The following ERN1 variants were observed in gnomAD, a reference collection of about 807,000 sequenced individuals.
ERN1 encodes the protein endoplasmic reticulum to nucleus signaling 1, also known as serine/threonine-protein kinase/endoribonuclease IRE1.
ERN1 carries 39 observed loss-of-function variants against 113.1 expected under a neutral mutation model. The ratio of observed to expected loss-of-function variants is 0.34; its 90% CI spans 0.27 to 0.45. ERN1 has a LOEUF of 0.45. Ranked by LOEUF, ERN1 falls within the 20% of genes least tolerant of loss-of-function variation. The pLI is 1.00. For missense variants in ERN1, 976 were observed against 1,274.8 expected (o/e 0.77, Z 3.57); for synonymous variants, 507 against 515.9 (o/e 0.98, Z 0.23).
rs1912318125 is a variant in ERN1 at position 64,040,949 on chromosome 17, TCCTG to T, written c.*3035_*3038del. Reference sequence around the variant, plus strand: ...TCACGAGGTTAGGAGATCGAGACCATCCTGCCTAACATGGGGAAACCCCGTCTCT... The same window carrying T: ...TCACGAGGTTAGGAGATCGAGACCATCCTAACATGGGGAAACCCCGTCTCT... On this transcript the variant is annotated 3_prime_UTR_variant, in exon 22 of 22. Transcript: ENST00000433197. The T allele has an allele frequency of 6.6e-6, 1 of 152,014 alleles. No homozygotes were observed. The highest frequency in any genetic ancestry group is 1.5e-5 in the Non-Finnish European group (1 of 68,030). 9.4% of individuals were successfully genotyped at this position (152,014 alleles called of 1,614,324 possible).
chr17:64,047,569 T>G (rs995067119), intron 19 of ERN1, among the ~76,000 whole-genome samples: 14 of 152,186 alleles, frequency 9.2e-5, no homozygotes, highest in African/African-American at 3.4e-4. Flanking sequence ...GCTTAACCAT[T>G]ATGGCACATC....
At chr17:64,072,259 A>G (rs1913445150) in intron 5 of ERN1, among the ~76,000 whole-genome samples, 156 bp from the exon 6 acceptor site, 1 of 152,262 alleles carries the variant, frequency 6.6e-6, no homozygotes, top group Admixed American at 6.5e-5. Context: ...TGCAGAGATA[A>G]TAAAACTTCT....
At chr17:64,100,754 C>T (rs1914362854) in intron 1 of ERN1, among the ~76,000 whole-genome samples, 2 of 151,830 alleles carry the variant, frequency 1.3e-5, no homozygotes, top group Admixed American at 1.3e-4. Context: ...TGCACTCTAG[C>T]CTGGGTGACA....
At chr17:64,095,854 C>T (rs1379489911) in intron 2 of ERN1, among the ~76,000 whole-genome samples, 5 of 152,214 alleles carry the variant, frequency 3.3e-5, no homozygotes, top group African/African-American at 1.2e-4. Flanking sequence ...TTCTCCAGGC[C>T]TCACTCCTGA....
rs1912441895 is a variant in ERN1, at chr17:64,044,321, GA to G, written c.2722-122del. 1 of 693,508 alleles carries G rather than the reference GA, an allele frequency of 1.4e-6. No homozygotes were observed. The highest frequency in any genetic ancestry group is 2.2e-6 in the Non-Finnish European group (1 of 448,056). 43.0% of individuals were successfully genotyped at this position (693,508 alleles called of 1,614,324 possible). ...AATGTGAGTGTTGGTTTTTGGTAAA[GA>G]AAAAGAAAAAAGGCTTATGTATCCA... On this transcript the variant is annotated intron_variant, in intron 21 of 21. Transcript: ENST00000433197. The surrounding 1 kb of genome is among the most constrained non-coding windows in gnomAD (Gnocchi z 4.1).
Position 64,054,594 on chromosome 17 carries a change from T to C in ERN1, c.1763+144A>G. On this transcript the variant is annotated intron_variant, in intron 14 of 21. Transcript: ENST00000433197. This position sits in a 1 kb window ranked among gnomAD's most constrained non-coding sequence, Gnocchi z 4.9. The stretch of plus-strand genomic sequence containing the variant: ...GCCCCGGAATCATCGCTTGTCTCAG[T>C]GTGCAAGCTCCCTGGAGGCCGGACT... The C allele has an allele frequency of 1.0e-6, 1 of 984,438 alleles. No individual in the cohort carries two copies. Among genetic ancestry groups the C allele is most frequent in the Non-Finnish European group, 1.5e-6 (1 of 667,026 alleles). The allele number at this position is 984,438 out of a possible 1,614,324, so 61.0% of individuals were successfully genotyped here. A position where few individuals can be genotyped will look rare whatever the true frequency, so the allele number is the denominator to read the frequency against.
Position 64,059,770 on chromosome 17 carries a change from C to G in ERN1, c.1206+699G>C, listed in dbSNP as rs151029417. Among the ~76,000 whole-genome samples the G allele has an allele frequency of 4.0e-3, 613 of 152,126 alleles. 8 individuals are homozygous for G. The highest frequency in any genetic ancestry group is 0.014 in the African/African-American group (569 of 41,472). On this transcript the variant is annotated intron_variant, in intron 11 of 21. Coordinates refer to ENST00000433197, the MANE Select transcript of ERN1 (RefSeq NM_001433.5). ...TAGGCCAAGGTGTGCTAAGAGAGCC[C>G]CTGGAACTCTGTGCAAATAGTCCCA...
Position 64,054,657 on chromosome 17 carries a change from C to G in ERN1, c.1763+81G>C. On this transcript the variant is annotated intron_variant, in intron 14 of 21. Coordinates refer to ENST00000433197, the MANE Select transcript of ERN1 (RefSeq NM_001433.5). This position sits in a 1 kb window ranked among gnomAD's most constrained non-coding sequence, Gnocchi z 4.9. ...GTCACTGCTTTGACCCTGCTGTGCT[C>G]TGAGCCTGGCACCAGGCTCGCAACC... The G allele has an allele frequency of 8.3e-7, 1 of 1,204,286 alleles. No homozygotes were observed. Among genetic ancestry groups the G allele is most frequent in the East Asian group, 2.5e-5 (1 of 39,642 alleles). The allele number at this position is 1,204,286 out of a possible 1,614,324, so 74.6% of individuals were successfully genotyped here.
At chr17:64,047,571 T>C (rs539521202) in intron 19 of ERN1, among the ~76,000 whole-genome samples, 41 of 152,300 alleles carry the variant, frequency 2.7e-4, no homozygotes, top group African/African-American at 8.7e-4. Flanking sequence ...TTAACCATTA[T>C]GGCACATCCA....
intron 2 of ERN1, among the ~76,000 whole-genome samples, chr17:64,086,636 C>CTTT (rs1913935030): frequency 3.1e-5 from 2 of 64,596 alleles, no homozygotes; most frequent in African/African-American, 6.0e-5. Context: ...TCTTTTCTTT[C>CTTT]CTTTTTTTTT....
chr17:64,060,283 T>TTC (rs1434479174), intron 11 of ERN1, among the ~76,000 whole-genome samples, 186 bp downstream of exon 11: 1 of 152,182 alleles, frequency 6.6e-6, no homozygotes, highest in Non-Finnish European at 1.5e-5. Flanking sequence ...TGCACCTTCT[T>TTC]TCACAAGTTG....
At chr17:64,057,739 G>T (rs1284432802) in intron 12 of ERN1, 63 bp downstream of exon 12, 2 of 1,443,556 alleles carry the variant, frequency 1.4e-6, no homozygotes, top group East Asian at 2.3e-5. Context: ...TCACTGACAT[G>T]AGGCGACAGG....
chr17:64,067,031 A>C, intron 7 of ERN1, 99 bp from the exon 8 acceptor site: 1 of 1,297,908 alleles, frequency 7.7e-7, no homozygotes, highest in Non-Finnish European at 1.1e-6. Context: ...GTTAGAGGAA[A>C]CAAGACTTCT....
At chr17:64,080,138 C>T (rs944505111) in intron 3 of ERN1, among the ~76,000 whole-genome samples, 2 of 152,162 alleles carry the variant, frequency 1.3e-5, no homozygotes, top group African/African-American at 4.8e-5. Flanking sequence ...GGTACATAAA[C>T]AGGTAGAACA....
At chr17:64,091,321 T>A (rs1431933920) in intron 2 of ERN1, among the ~76,000 whole-genome samples, 1 of 152,084 alleles carries the variant, frequency 6.6e-6, no homozygotes, top group Non-Finnish European at 1.5e-5. Context: ...AAGCAACAAA[T>A]GATTCATCCT....
intron 2 of ERN1, among the ~76,000 whole-genome samples, chr17:64,089,365 G>T (rs139173768): frequency 6.7e-6 from 1 of 148,320 alleles, no homozygotes; most frequent in African/African-American, 2.5e-5. Context: ...GACACAGGGT[G>T]AGCATCCCAA....
intron 11 of ERN1, among the ~76,000 whole-genome samples, chr17:64,059,349 A>G (rs1191137834): frequency 6.6e-6 from 1 of 152,178 alleles, no homozygotes; most frequent in Non-Finnish European, 1.5e-5. Context: ...TCAGTCAGCC[A>G]TTCTCTTCTT....
intron 1 of ERN1, among the ~76,000 whole-genome samples, chr17:64,127,052 T>C (rs1915100168): frequency 1.3e-5 from 2 of 152,096 alleles, no homozygotes; most frequent in African/African-American, 4.8e-5. Context: ...AGGAGCAAGA[T>C]ATAGGTCTAG....
At chr17:64,087,530 T>G (rs1381649755) in intron 2 of ERN1, among the ~76,000 whole-genome samples, 1 of 152,076 alleles carries the variant, frequency 6.6e-6, no homozygotes, top group African/African-American at 2.4e-5. Context: ...TAAGTGTACC[T>G]CTAGCAGTGA....
Sources: gnomAD v4.1 joint callset for allele counts (sites outside exome capture counted in the v4.1 genomes callset) on GRCh38, gnomAD v4.1.1 for gene constraint, Gnocchi (gnomAD v3.1) non-coding constraint, MANE v1.5 for transcripts, NCBI Gene and HGNC (gene_info 2026-07-23, HGNC 2026-07-21) for gene names.